The following EBLN1 variants were observed in gnomAD, a reference collection of about 807,000 sequenced individuals.
EBLN1 encodes endogenous Bornavirus like nucleoprotein 1.
EBLN1 carries 1 observed loss-of-function variant against 0.8 expected under a neutral mutation model. The ratio of observed to expected loss-of-function variants is 1.32; its 90% CI spans 0.47 to 6.26. The LOEUF (loss-of-function observed/expected upper bound fraction) is 6.26, where lower values mean the gene tolerates loss of function less well. Ranked by LOEUF, EBLN1 falls within the 30% of genes most tolerant of loss-of-function variation. The pLI is 0.15. For synonymous variants in EBLN1, 158 were observed against 158.5 expected, an observed-to-expected ratio of 1.00 and a Z score of 0.02; for missense variants, 396 against 447.9, an observed-to-expected ratio of 0.88 and a Z score of 1.05.
Position 22,208,948 on chromosome 10 carries a change from C to T in EBLN1, c.1036G>A (p.Gly346Arg). 1 of 1,535,666 alleles carries T rather than the reference C, an allele frequency of 6.5e-7. No homozygotes were observed. The highest frequency in any genetic ancestry group is 8.7e-7 in the Non-Finnish European group (1 of 1,146,912). Residue 346 changes from glycine to arginine, a missense_variant, in exon 3 of 3, where the codon GGA becomes AGA. Gly to Arg is a moderately radical substitution (Grantham distance 125). Transcript: ENST00000422359. ...AGTGTATATGGATCCATGTCACTTC[C>T]TCTGGAGATTTTCTGAGCAGATGCC... Reference protein sequence around the residue: ...QMASAQKISRGSDMDPYTLNI... With the variant: ...QMASAQKISRRSDMDPYTLNI...
chr10:22,208,850 A>G lies in EBLN1; in HGVS notation c.*33T>C. On this transcript the variant is annotated 3_prime_UTR_variant, in exon 3 of 3. Coordinates refer to ENST00000422359, the MANE Select transcript of EBLN1 (RefSeq NM_001394757.1). ...TGTGATTTTCACATAATTTCTTTTTATATGTATATATAAGGATTAGTTCAC... is the reference window on the plus strand; with the variant it reads ...TGTGATTTTCACATAATTTCTTTTTGTATGTATATATAAGGATTAGTTCAC... 3 of 1,457,354 alleles carry G rather than the reference A, an allele frequency of 2.1e-6. No homozygotes were observed. Among genetic ancestry groups the G allele is most frequent in the Non-Finnish European group, 2.7e-6 (3 of 1,112,138 alleles). The allele number at this position is 1,457,354 out of a possible 1,614,324, so 90.3% of individuals were successfully genotyped here.
At chr10:22,215,009 T>TA (rs1834780496) in intron 1 of EBLN1, among the ~76,000 whole-genome samples, 1 of 152,208 alleles carries the variant, frequency 6.6e-6, no homozygotes, top group African/African-American at 2.4e-5. Flanking sequence ...CTTGAAAACT[T>TA]ACGCTATGTG....
chr10:22,213,916 G>T (rs12249656), intron 1 of EBLN1, among the ~76,000 whole-genome samples: 6 of 152,150 alleles, frequency 3.9e-5, no homozygotes, highest in Non-Finnish European at 7.4e-5. Flanking sequence ...AGGAAGTATG[G>T]CTGTTTTCCT....
Position 22,209,817 on chromosome 10 carries a change from A to T in EBLN1, c.167T>A (p.Ile56Asn). The change falls in exon 3 of 3, where the codon ATT becomes AAT. Residue 56 changes from isoleucine (I) to asparagine (N), a missense_variant. Ile to Asn is a moderately radical substitution (Grantham distance 149). Transcript: ENST00000422359. ...TAGCATAGACTTAGTTGCTTTTTCA[A>T]TGACCTTAACATCTCCAATACCAGG... ...PQPGIGDVKV[I>N]EKATKSMLDP... 6.5e-7 allele frequency: 1 copy of T among 1,534,232 alleles called. No homozygotes were observed. Among genetic ancestry groups the T allele is most frequent in the Non-Finnish European group, 8.7e-7 (1 of 1,145,988 alleles).
At chr10:22,210,064 T>C (rs1834736376) in intron 2 of EBLN1, 37 bp from the exon 3 acceptor site, 3 of 1,258,060 alleles carry the variant, frequency 2.4e-6, no homozygotes, top group Non-Finnish European at 3.0e-6. Context: ...CAACAAAATA[T>C]TTTTAAATTA....
intron 1 of EBLN1, among the ~76,000 whole-genome samples, chr10:22,214,702 G>A (rs1834778066): frequency 6.6e-6 from 1 of 152,054 alleles, no homozygotes; most frequent in Non-Finnish European, 1.5e-5. Flanking sequence ...AGATTAACAT[G>A]CATAAAAGGA....
chr10:22,208,821 A>G lies in EBLN1; in HGVS notation c.*62T>C, dbSNP rs767994961. The G allele has an allele frequency of 1.6e-4, 223 of 1,431,894 alleles. No individual in the cohort carries two copies. The highest frequency in any genetic ancestry group is 8.9e-5 in the Non-Finnish European group (97 of 1,094,134). 88.7% of individuals were successfully genotyped at this position (1,431,894 alleles called of 1,614,324 possible). A position where few individuals can be genotyped will look rare whatever the true frequency, so the allele number is the denominator to read the frequency against. ...ATAGGCAACACTCAGATACTATTTTAGAATGTGATTTTCACATAATTTCTT... is the reference window on the plus strand; with the variant it reads ...ATAGGCAACACTCAGATACTATTTTGGAATGTGATTTTCACATAATTTCTT... On this transcript the variant is annotated 3_prime_UTR_variant, in exon 3 of 3. Transcript: ENST00000422359.
rs1379106811 is a variant in EBLN1 at position 22,208,881 on chromosome 10, T to C, written c.*2A>G. 1 of 1,519,016 alleles carries C rather than the reference T, an allele frequency of 6.6e-7. No homozygotes were observed. The highest frequency in any genetic ancestry group is 2.1e-5 in the Admixed American group (1 of 47,692). 94.1% of individuals were successfully genotyped at this position (1,519,016 alleles called of 1,614,324 possible). A position where few individuals can be genotyped will look rare whatever the true frequency, so the allele number is the denominator to read the frequency against. Reference sequence around the variant, plus strand: ...ATATATAAGGATTAGTTCACGTATTTGTTATTCAAATCCCGAAATCCCATA... The same window carrying C: ...ATATATAAGGATTAGTTCACGTATTCGTTATTCAAATCCCGAAATCCCATA... On this transcript the variant is annotated 3_prime_UTR_variant, in exon 3 of 3. Coordinates refer to ENST00000422359, the MANE Select transcript of EBLN1 (RefSeq NM_001394757.1).
rs1834732058 is a variant in EBLN1, at chr10:22,209,882, C to T, written c.102G>A (p.Gly34=). The part of the protein sequence containing the change: ...HYFQGRFELS[G]KSRQYPADAL... The stretch of plus-strand genomic sequence containing the variant: ...CATCTGCTGGATACTGTCTGCTCTT[C>T]CCAGAGAGCTCAAATCTCCCTTGAA... The change falls in exon 3 of 3, where the codon GGG becomes GGA. Residue 34 remains glycine (G), a synonymous_variant. Transcript: ENST00000422359. 6.6e-7 allele frequency: 1 copy of T among 1,507,668 alleles called. No individual in the cohort carries two copies. The highest frequency in any genetic ancestry group is 8.8e-7 in the Non-Finnish European group (1 of 1,135,122). The allele number at this position is 1,507,668 out of a possible 1,614,324, so 93.4% of individuals were successfully genotyped here.
chr10:22,209,709 G>T lies in EBLN1; in HGVS notation c.275C>A (p.Ala92Glu). ...TTTGCTCACACCGACACTGAGTAGT[G>T]CCTTGTGTAATCCATCGAATATAAA... is the stretch of plus-strand genomic sequence containing the variant. Reference protein sequence around the residue: ...LCFIFDGLHKALLSVGVSKRS... With the variant: ...LCFIFDGLHKELLSVGVSKRS... Residue 92 changes from alanine (A) to glutamate (E), a missense_variant, in exon 3 of 3, where the codon GCA becomes GAA. Physicochemically the swap from Ala to Glu is moderately radical, Grantham distance 107. Transcript: ENST00000422359. 1.3e-6 allele frequency: 2 copies of T among 1,535,874 alleles called. No homozygotes were observed. Among genetic ancestry groups the T allele is most frequent in the Non-Finnish European group, 1.7e-6 (2 of 1,146,928 alleles).
intron 2 of EBLN1, among the ~76,000 whole-genome samples, chr10:22,212,101 T>G (rs1834759722): frequency 6.6e-6 from 1 of 152,186 alleles, no homozygotes; most frequent in Non-Finnish European, 1.5e-5. Context: ...GGGGCTAGGG[T>G]TGGTGTTCTC....
intron 1 of EBLN1, among the ~76,000 whole-genome samples, chr10:22,217,131 AT>A (rs990007303): frequency 2.6e-5 from 4 of 151,696 alleles, no homozygotes; most frequent in African/African-American, 7.3e-5. Context: ...GTATATATAT[AT>A]TTTTTTGTTT....
At position 22,208,721 on chromosome 10, in the gene EBLN1, G is replaced by T; in HGVS notation, c.*162C>A. The T allele has an allele frequency of 1.2e-6, 1 of 811,696 alleles. No homozygotes were observed. The highest frequency in any genetic ancestry group is 1.8e-6 in the Non-Finnish European group (1 of 568,364). 50.3% of individuals were successfully genotyped at this position (811,696 alleles called of 1,614,324 possible). ...ATCTTTCAGTGGCCAGAGAATATTG[G>T]ATGGACTCTTTTAAAGAATAAAAGA... On this transcript the variant is annotated 3_prime_UTR_variant, in exon 3 of 3. Coordinates refer to ENST00000422359, the MANE Select transcript of EBLN1 (RefSeq NM_001394757.1).
Position 22,209,069 on chromosome 10 carries a change from T to A in EBLN1, c.915A>T (p.Ala305=), listed in dbSNP as rs1357051124. The part of the protein sequence containing the change: ...PQMFPNLATA[A]NYWAKRRNST... ...AATTCCTTCTTTTGGCCCAGTAGTT[T>A]GCTGCTGTTGCTAGGTTTGGGAACA... Residue 305 remains alanine (A), a synonymous_variant, in exon 3 of 3, where the codon GCA becomes GCT. Transcript: ENST00000422359. The A allele has an allele frequency of 1.3e-6, 2 of 1,536,628 alleles. No homozygotes were observed. The highest frequency in any genetic ancestry group is 1.7e-6 in the Non-Finnish European group (2 of 1,146,916).
intron 1 of EBLN1, among the ~76,000 whole-genome samples, chr10:22,214,331 A>G (rs917713291): frequency 4.3e-5 from 6 of 141,044 alleles, no homozygotes; most frequent in Non-Finnish European, 9.1e-5. Context: ...ACAAGGACTC[A>G]CTCTGTCACC....
chr10:22,209,227 C>G lies in EBLN1; in HGVS notation c.757G>C (p.Ala253Pro). 6.5e-7 allele frequency: 1 copy of G among 1,548,924 alleles called. No homozygotes were observed. The highest frequency in any genetic ancestry group is 8.7e-7 in the Non-Finnish European group (1 of 1,154,230). Residue 253 changes from alanine (A) to proline (P), a missense_variant, in exon 3 of 3, where the codon GCT becomes CCT. Coordinates refer to ENST00000422359, the MANE Select transcript of EBLN1 (RefSeq NM_001394757.1). ...ATCTCCAACACAACAGCGGGTAAAG[C>G]AGTGGAACCATCCACACACTGATCC... is the stretch of plus-strand genomic sequence containing the variant. ...FLDQCVDGST[A>P]LPAVVLEIPV...
Position 22,209,049 on chromosome 10 carries a change from C to T in EBLN1, c.935G>A (p.Arg312Lys). The T allele has an allele frequency of 1.3e-6, 2 of 1,536,352 alleles. No homozygotes were observed. Among genetic ancestry groups the T allele is most frequent in the Non-Finnish European group, 1.7e-6 (2 of 1,146,912 alleles). Residue 312 changes from arginine to lysine, a missense_variant, in exon 3 of 3, where the codon AGG becomes AAG. Physicochemically the swap from Arg to Lys is conservative, Grantham distance 26. Transcript: ENST00000422359. ...TTCAAATCCAGAAAATGTGGAATTC[C>T]TTCTTTTGGCCCAGTAGTTTGCTGC... Reference protein sequence around the residue: ...ATAANYWAKRRNSTFSGFEAL... With the variant: ...ATAANYWAKRKNSTFSGFEAL...
At chr10:22,212,063 C>T (rs1213123452) in intron 2 of EBLN1, among the ~76,000 whole-genome samples, 4 of 152,206 alleles carry the variant, frequency 2.6e-5, no homozygotes, top group South Asian at 4.1e-4. Context: ...TAAAAACTTC[C>T]CCGTATTCTT....
rs2479114 is a variant in EBLN1 at position 22,208,781 on chromosome 10, C to T, written c.*102G>A. On this transcript the variant is annotated 3_prime_UTR_variant, in exon 3 of 3. Coordinates refer to ENST00000422359, the MANE Select transcript of EBLN1 (RefSeq NM_001394757.1). ...AGTTGCGATAGATGTCAGAGACAGA[C>T]CAAGATTGAAAACAATAGGCAACAC... 0.23 allele frequency: 298,147 copies of T among 1,277,072 alleles called. 35,806 individuals are homozygous for T. The highest frequency in any genetic ancestry group is 0.27 in the African/African-American group (17,861 of 66,348). 79.1% of individuals were successfully genotyped at this position (1,277,072 alleles called of 1,614,324 possible). A position where few individuals can be genotyped will look rare whatever the true frequency, so the allele number is the denominator to read the frequency against.
Sources: gnomAD v4.1 joint callset for allele counts (sites outside exome capture counted in the v4.1 genomes callset) on GRCh38, gnomAD v4.1.1 for gene constraint, MANE v1.5 for transcripts, NCBI Gene and HGNC (gene_info 2026-07-23, HGNC 2026-07-21) for gene names.